Variants in SLC24A4 observed in about 807,000 individuals in gnomAD.
The protein encoded by SLC24A4 is solute carrier family 24 member 4, also known as sodium/potassium/calcium exchanger 4.
Under a neutral mutation model 79.0 loss-of-function variants are expected in SLC24A4, and 53 were observed. The ratio of observed to expected loss-of-function variants is 0.67; its 90% CI spans 0.54 to 0.84. The LOEUF (loss-of-function observed/expected upper bound fraction) is 0.84. Ranked by LOEUF, SLC24A4 falls within the 40% of genes least tolerant of loss-of-function variation. The pLI, the probability that SLC24A4 is intolerant of heterozygous loss-of-function variation, is 0.00. For synonymous variants in SLC24A4, 323 were observed against 323.8 expected (o/e 1.00, Z 0.03); for missense variants, 731 against 822.0 (o/e 0.89, Z 1.35).
chr14:92,418,339 C>T (rs927438044), intron 2 of SLC24A4, among the ~76,000 whole-genome samples: 5 of 152,186 alleles, frequency 3.3e-5, no homozygotes, highest in African/African-American at 1.2e-4. Context: ...GGCTGGCCTC[C>T]TGGTTCTGCC....
intron 2 of SLC24A4, among the ~76,000 whole-genome samples, chr14:92,340,516 G>A (rs1269833537): frequency 6.6e-6 from 1 of 152,230 alleles, no homozygotes; most frequent in Non-Finnish European, 1.5e-5. Flanking sequence ...AGGGAGATGT[G>A]TTCAGCTGGC....
intron 2 of SLC24A4, among the ~76,000 whole-genome samples, chr14:92,402,425 T>A (rs1207300427): frequency 1.3e-5 from 2 of 152,170 alleles, no homozygotes; most frequent in Non-Finnish European, 2.9e-5. Flanking sequence ...GTGGTCCACA[T>A]ACTATGATCA....
At chr14:92,325,093 A>G (rs1300988192) in intron 1 of SLC24A4, among the ~76,000 whole-genome samples, 3 of 152,182 alleles carry the variant, frequency 2.0e-5, no homozygotes, top group Admixed American at 1.3e-4. Context: ...TCCCCCCTCA[A>G]TTACACACCA....
intron 2 of SLC24A4, among the ~76,000 whole-genome samples, chr14:92,343,403 A>G (rs992552266): frequency 1.3e-5 from 2 of 152,116 alleles, no homozygotes; most frequent in African/African-American, 4.8e-5. Context: ...GAGATTCCCC[A>G]TCACCCTCCA....
chr14:92,379,476 T>G (rs926968653), intron 2 of SLC24A4, among the ~76,000 whole-genome samples: 5 of 152,020 alleles, frequency 3.3e-5, no homozygotes, highest in African/African-American at 1.2e-4. Flanking sequence ...TGGAATAATC[T>G]AGGAGGGGAA....
At chr14:92,360,529 G>A (rs1407877070) in intron 2 of SLC24A4, among the ~76,000 whole-genome samples, 2 of 152,194 alleles carry the variant, frequency 1.3e-5, no homozygotes, top group Non-Finnish European at 2.9e-5. Flanking sequence ...TAGATATTTG[G>A]TTTATGTCCT....
At chr14:92,386,919 G>A (rs1718672756) in intron 2 of SLC24A4, among the ~76,000 whole-genome samples, 1 of 152,162 alleles carries the variant, frequency 6.6e-6, no homozygotes, top group Admixed American at 6.5e-5. Context: ...GTGGAAATGT[G>A]TTCTCGAGGC....
At chr14:92,463,126 T>A (rs919255544) in intron 12 of SLC24A4, among the ~76,000 whole-genome samples, 1 of 152,174 alleles carries the variant, frequency 6.6e-6, no homozygotes, top group African/African-American at 2.4e-5. Context: ...TCTCTTCTGT[T>A]ATTATAGCAA....
chr14:92,451,220 T>G (rs1453967545), intron 10 of SLC24A4: 1 of 152,030 alleles, frequency 6.6e-6, no homozygotes, highest in Admixed American at 6.5e-5. Context: ...ACGCCTGGAA[T>G]TGGAGAAAGG....
At chr14:92,368,161 C>G (rs1887955761) in intron 2 of SLC24A4, among the ~76,000 whole-genome samples, 1 of 152,164 alleles carries the variant, frequency 6.6e-6, no homozygotes, top group Non-Finnish European at 1.5e-5. Context: ...GCAATGAAAC[C>G]ATAACCTTTG....
chr14:92,486,308 G>A (rs544847134), intron 13 of SLC24A4, among the ~76,000 whole-genome samples: 3 of 152,144 alleles, frequency 2.0e-5, no homozygotes, highest in East Asian at 1.9e-4. Context: ...AAGACCAGCC[G>A]CCAGGGTCCT....
At position 92,442,816 on chromosome 14, in the gene SLC24A4, G is replaced by C; in HGVS notation, c.582G>C (p.Gln194His). Residue 194 changes from glutamine (Q) to histidine (H), a missense_variant and splice_region_variant, in exon 6 of 17, where the codon CAG becomes CAC. Gln to His is a conservative substitution (Grantham distance 24, BLOSUM62 0). Coordinates refer to ENST00000532405, the MANE Select transcript of SLC24A4 (RefSeq NM_153646.4). Reference protein sequence around the residue: ...IIGVCGLFAGQVVRLTWWAVC... With the variant: ...IIGVCGLFAGHVVRLTWWAVC... ...GAGTGTGCGGACTGTTTGCTGGCCA[G>C]GTCAGTGGTTTCTCCCTGGGCCCGG... The C allele has an allele frequency of 1.2e-6, 2 of 1,613,552 alleles. No individual in the cohort carries two copies. The highest frequency in any genetic ancestry group is 1.7e-6 in the Non-Finnish European group (2 of 1,179,514).
chr14:92,405,577 C>T (rs921811257), intron 2 of SLC24A4, among the ~76,000 whole-genome samples: 1 of 152,048 alleles, frequency 6.6e-6, no homozygotes, highest in Non-Finnish European at 1.5e-5. Context: ...ACAGGCTTAA[C>T]AGGAAGCATG....
Position 92,427,704 on chromosome 14 carries a change from A to G in SLC24A4, c.242-6208A>G, listed in dbSNP as rs181808750. On this transcript the variant is annotated intron_variant, in intron 2 of 16. Transcript: ENST00000532405. The stretch of plus-strand genomic sequence containing the variant: ...AGAATCCATGTTTAATATTTTCAAC[A>G]GAAAGGAATTTAATTCAGGGAATGA... 2.6e-5 allele frequency among the ~76,000 whole-genome samples: 4 copies of G among 152,382 alleles called. No homozygotes were observed. In the East Asian group the frequency reaches 5.8e-4, roughly 22 times the overall value.
At chr14:92,371,706 G>A (rs1047245685) in intron 2 of SLC24A4, among the ~76,000 whole-genome samples, 8 of 152,300 alleles carry the variant, frequency 5.3e-5, no homozygotes, top group Non-Finnish European at 1.0e-4. Flanking sequence ...CCCGTTGTGT[G>A]TCCACATCCT....
At chr14:92,466,015 T>A (rs1413416549) in intron 12 of SLC24A4, among the ~76,000 whole-genome samples, 1 of 152,210 alleles carries the variant, frequency 6.6e-6, no homozygotes, top group East Asian at 1.9e-4. Flanking sequence ...GGCTTCTCTT[T>A]GCCCCTCTAA....
chr14:92,463,739 G>A (rs115947090), intron 12 of SLC24A4, among the ~76,000 whole-genome samples: 298 of 152,136 alleles, frequency 2.0e-3, no homozygotes, highest in African/African-American at 6.8e-3. Context: ...TTGTGGAATC[G>A]TCATCAACAT....
chr14:92,385,595 C>T (rs1048886019), intron 2 of SLC24A4, among the ~76,000 whole-genome samples: 4 of 152,080 alleles, frequency 2.6e-5, no homozygotes, highest in Non-Finnish European at 4.4e-5. Context: ...ATAACATACC[C>T]GGGAGAGGGG....
intron 2 of SLC24A4, among the ~76,000 whole-genome samples, chr14:92,346,271 A>G (rs981704870): frequency 3.9e-5 from 6 of 152,208 alleles, no homozygotes; most frequent in Non-Finnish European, 8.8e-5. Flanking sequence ...GAAGCAGTGC[A>G]GGAATATGAA....
Sources: allele counts gnomAD v4.1 joint callset (sites outside exome capture counted in the v4.1 genomes callset), GRCh38; gene constraint gnomAD v4.1.1; transcripts MANE v1.5; gene names NCBI Gene and HGNC (gene_info 2026-07-23, HGNC 2026-07-21).